The following RNF6 variants were observed in gnomAD, a reference collection of about 807,000 sequenced individuals.
The protein encoded by RNF6 is ring finger protein 6.
Under a neutral mutation model 50.1 loss-of-function variants are expected in RNF6, and 21 were observed. The ratio of observed to expected loss-of-function variants is 0.42; its 90% confidence interval spans 0.30 to 0.60. The LOEUF (loss-of-function observed/expected upper bound fraction) is 0.60, where lower values mean the gene tolerates loss of function less well. RNF6 is among the 20% of genes least tolerant of loss of function. RNF6 has a pLI of 0.20. For missense variants in RNF6, 698 were observed against 838.2 expected, an observed-to-expected ratio of 0.83 and a Z score of 2.07; for synonymous variants, 255 against 291.8, an observed-to-expected ratio of 0.87 and a Z score of 1.29.
chr13:26,215,159 TCCC>T lies in RNF6; in HGVS notation c.720_722del (p.Gly241del), dbSNP rs1396330916. ...CGTTAGCTCGAGGAATGCCAGCTGCTCCCCCAATTCCATTTCTTAACCTTCCCA... is the reference window on the plus strand; with the variant it reads ...CGTTAGCTCGAGGAATGCCAGCTGCTCCAATTCCATTTCTTAACCTTCCCA... On this transcript the variant is annotated inframe_deletion, in exon 5 of 5. Coordinates refer to ENST00000381588, the MANE Select transcript of RNF6 (RefSeq NM_005977.4). 6.2e-7 allele frequency: 1 copy of T among 1,614,136 alleles called. No homozygotes were observed. The highest frequency in any genetic ancestry group is 1.7e-5 in the Admixed American group (1 of 60,014).
chr13:26,203,249 A>G (rs1868963998), intron 5 of RNF6, among the ~76,000 whole-genome samples: 1 of 152,134 alleles, frequency 6.6e-6, no homozygotes. Flanking sequence ...TTCAGAGGAG[A>G]GCAGTGGAGA....
chr13:26,161,965 C>A (rs929958624), intron 5 of RNF6, among the ~76,000 whole-genome samples: 3 of 152,150 alleles, frequency 2.0e-5, no homozygotes, highest in Non-Finnish European at 4.4e-5. Context: ...ATATACTGAG[C>A]AATTTAAACC....
upstream of RNF6, among the ~76,000 whole-genome samples, chr13:26,222,917 T>G (rs538070209): frequency 1.3e-5 from 2 of 152,236 alleles, no homozygotes; most frequent in African/African-American, 4.8e-5. Context: ...CCCACTATAT[T>G]TTGTGTTTTT....
Position 26,138,951 on chromosome 13 carries a change from C to A in RNF6, n.769-6500G>T, listed in dbSNP as rs570868106. 7.2e-5 allele frequency among the ~76,000 whole-genome samples: 11 copies of A among 152,248 alleles called. No individual in the cohort carries two copies. In the South Asian group the frequency reaches 8.3e-4, roughly 11 times the overall value. On this transcript the variant is annotated intron_variant and non_coding_transcript_variant, in intron 5 of 5. Coordinates refer to the RNF6 transcript ENST00000468480. Reference sequence around the variant, plus strand: ...GTCAGACGGGTATCCTCAAATTATTCTTCTTCTTTGTAAGCGCCTTGATTA... The same window carrying A: ...GTCAGACGGGTATCCTCAAATTATTATTCTTCTTTGTAAGCGCCTTGATTA...
At chr13:26,220,239 A>G (rs1397508549) in intron 2 of RNF6, among the ~76,000 whole-genome samples, 2 of 152,200 alleles carry the variant, frequency 1.3e-5, no homozygotes, top group South Asian at 2.1e-4. Context: ...CTCTTATTAA[A>G]GCTTACCAGG....
intron 4 of RNF6, among the ~76,000 whole-genome samples, chr13:26,216,485 T>TTA (rs1267892370): frequency 6.6e-6 from 1 of 152,158 alleles, no homozygotes; most frequent in African/African-American, 2.4e-5. Flanking sequence ...TATTGCTCAA[T>TTA]TAATCAATTT....
intron 4 of RNF6, among the ~76,000 whole-genome samples, chr13:26,216,199 T>C (rs1869856187): frequency 6.6e-6 from 1 of 152,226 alleles, no homozygotes; most frequent in South Asian, 2.1e-4. Flanking sequence ...TTAAGGTCTC[T>C]ATGGCTGATC....
chr13:26,214,997 G>T lies in RNF6; in HGVS notation c.885C>A (p.Asn295Lys). Residue 295 changes from asparagine to lysine, a missense_variant, in exon 5 of 5, where the codon AAC (asparagine) becomes AAA (lysine). Physicochemically the swap from Asn to Lys is moderately conservative, Grantham distance 94. Coordinates refer to ENST00000381588, the MANE Select transcript of RNF6 (RefSeq NM_005977.4). The stretch of plus-strand genomic sequence containing the variant: ...GTAATCTTATTGGCTCTAATCTTTG[G>T]TTTGTATTCCTCACTGTAACATTAC... ...ARSNVTVRNT[N>K]QRLEPIRLRS... 2 of 1,614,176 alleles carry T rather than the reference G, an allele frequency of 1.2e-6. No individual in the cohort carries two copies.
At chr13:26,160,284 T>A (rs1353350116) in intron 5 of RNF6, among the ~76,000 whole-genome samples, 1 of 152,188 alleles carries the variant, frequency 6.6e-6, no homozygotes, top group Non-Finnish European at 1.5e-5. Context: ...TCAAACTTTT[T>A]AACTTAACCT....
At chr13:26,152,160 A>G (rs1871644428) in intron 5 of RNF6, among the ~76,000 whole-genome samples, 1 of 152,240 alleles carries the variant, frequency 6.6e-6, no homozygotes, top group African/African-American at 2.4e-5. Flanking sequence ...GAAAAATTTA[A>G]TATTTTATAT....
chr13:26,189,067 G>A (rs1170485226), intron 5 of RNF6, among the ~76,000 whole-genome samples: 1 of 151,766 alleles, frequency 6.6e-6, no homozygotes, highest in Non-Finnish European at 1.5e-5. Flanking sequence ...GGTGGCTAAC[G>A]CCCGTAATCC....
intron 5 of RNF6, chr13:26,144,857 T>G (rs916975555): frequency 6.6e-6 from 1 of 152,252 alleles, no homozygotes; most frequent in African/African-American, 2.4e-5. Context: ...CAGGGCCTGC[T>G]TGGCCCAATT....
chr13:26,183,847 C>T (rs11620064), intron 5 of RNF6, among the ~76,000 whole-genome samples: 41,212 of 147,004 alleles, frequency 0.28, 6,696 homozygotes, highest in East Asian at 0.67. Flanking sequence ...ATATATTCCT[C>T]GAATTATTTA....
At chr13:26,210,430 T>G (rs1869276812), downstream of RNF6, among the ~76,000 whole-genome samples, 1 of 152,240 alleles carries the variant, frequency 6.6e-6, no homozygotes, top group South Asian at 2.1e-4. Flanking sequence ...TGGCCCTTAA[T>G]GCAGCATCTT....
At chr13:26,203,415 G>A (rs557368722) in intron 5 of RNF6, among the ~76,000 whole-genome samples, 1 of 152,228 alleles carries the variant, frequency 6.6e-6, no homozygotes, top group Non-Finnish European at 1.5e-5. Flanking sequence ...AATTGTGATT[G>A]TTTCTAAATG....
At chr13:26,151,900 T>C (rs1871625014) in intron 5 of RNF6, among the ~76,000 whole-genome samples, 1 of 152,210 alleles carries the variant, frequency 6.6e-6, no homozygotes, top group Non-Finnish European at 1.5e-5. Flanking sequence ...AGCTCCAAGC[T>C]GGTCCCTCTA....
chr13:26,195,957 A>G (rs555618378), intron 5 of RNF6, among the ~76,000 whole-genome samples: 2 of 152,222 alleles, frequency 1.3e-5, no homozygotes. Flanking sequence ...GTCTAATGGA[A>G]AAATTTCAAA....
At chr13:26,220,734 G>A (rs1470582264) in intron 2 of RNF6, among the ~76,000 whole-genome samples, 1 of 152,108 alleles carries the variant, frequency 6.6e-6, no homozygotes, top group East Asian at 1.9e-4. Context: ...GTCACTAAAG[G>A]GTATGAGTAA....
At chr13:26,184,018 A>T (rs11617021) in intron 5 of RNF6, among the ~76,000 whole-genome samples, 65 of 33,940 alleles carry the variant, frequency 1.9e-3, no homozygotes, top group African/African-American at 4.2e-3. Flanking sequence ...ATATATATAT[A>T]TTTTTTTTTT....
Sources: allele counts gnomAD v4.1 joint callset (sites outside exome capture counted in the v4.1 genomes callset), GRCh38; gene constraint gnomAD v4.1.1; transcripts MANE v1.5; gene names NCBI Gene and HGNC (gene_info 2026-07-23, HGNC 2026-07-21).